EPHA7: variants seen among roughly 807,000 people sequenced by gnomAD.
The protein encoded by EPHA7 is ephrin type-A receptor 7.
Under a neutral mutation model 112.6 loss-of-function variants are expected in EPHA7, and 25 were observed. The observed-to-expected ratio is 0.22, with a 90% CI of 0.16 to 0.31. The LOEUF (loss-of-function observed/expected upper bound fraction) is 0.31. EPHA7 is among the 10% of genes least tolerant of loss of function. The probability of loss-of-function intolerance (pLI) is 1.00; values close to 1 mark genes in which losing one functional copy is unlikely to be tolerated. For missense variants in EPHA7, 962 were observed against 1,212.6 expected (o/e 0.79, Z 3.07); for synonymous variants, 437 against 406.5 (o/e 1.07, Z -0.90).
At chr6:93,246,075 G>A (rs1043938821) in intron 15 of EPHA7, among the ~76,000 whole-genome samples, 10 of 150,096 alleles carry the variant, frequency 6.7e-5, no homozygotes, top group South Asian at 2.1e-4. Flanking sequence ...TTTTGGAGAC[G>A]GAGTCTCGCT....
At chr6:93,293,262 A>G (rs1170681870) in intron 5 of EPHA7, among the ~76,000 whole-genome samples, 2 of 151,938 alleles carry the variant, frequency 1.3e-5, no homozygotes, top group African/African-American at 2.4e-5. Flanking sequence ...TTTAAAATTT[A>G]AAACAATCAA....
At chr6:93,280,636 C>G (rs1446160096) in intron 5 of EPHA7, among the ~76,000 whole-genome samples, 1 of 152,040 alleles carries the variant, frequency 6.6e-6, no homozygotes, top group East Asian at 1.9e-4. Flanking sequence ...AAAGCTAGTC[C>G]GTGGCTTATT....
At chr6:93,349,602 A>G (rs1269331071) in intron 5 of EPHA7, among the ~76,000 whole-genome samples, 5 of 151,886 alleles carry the variant, frequency 3.3e-5, no homozygotes, top group Non-Finnish European at 2.9e-5. Flanking sequence ...TGATAAAACA[A>G]TTATGCCTTG....
chr6:93,246,960 T>C lies in EPHA7; in HGVS notation c.2558A>G (p.Tyr853Cys), dbSNP rs1374830452. 1.2e-6 allele frequency: 2 copies of C among 1,602,188 alleles called. No individual in the cohort carries two copies. Among genetic ancestry groups the C allele is most frequent in the South Asian group, 1.1e-5 (1 of 90,300 alleles). The change falls in exon 15 of 17, where the codon TAT becomes TGT. Residue 853 changes from tyrosine (Y) to cysteine (C), a missense_variant. Transcript: ENST00000369303. ...GCAGTCCATGGGTGCTGGTAAACGA[T>C]AACCTTCTTCTATTGCTTTTATAAC... Reference protein sequence around the residue: ...QDVIKAIEEGYRLPAPMDCPA... With the variant: ...QDVIKAIEEGCRLPAPMDCPA...
intron 5 of EPHA7, among the ~76,000 whole-genome samples, chr6:93,340,262 T>C (rs1370606524): frequency 6.6e-6 from 1 of 151,962 alleles, no homozygotes; most frequent in Admixed American, 6.6e-5. Context: ...TTCACAATAG[T>C]AAATCATTCA....
chr6:93,274,187 A>G (rs1771361787), intron 5 of EPHA7, among the ~76,000 whole-genome samples: 1 of 151,876 alleles, frequency 6.6e-6, no homozygotes, highest in South Asian at 2.1e-4. Flanking sequence ...AAATAACACC[A>G]ATAGCCTACT....
At chr6:93,253,309 A>G (rs575709876) in intron 14 of EPHA7, among the ~76,000 whole-genome samples, 2 of 152,224 alleles carry the variant, frequency 1.3e-5, no homozygotes, top group South Asian at 4.1e-4. Context: ...AAGCAAATGA[A>G]AAAGTTTTAT....
At chr6:93,380,100 T>C (rs1354285627) in intron 3 of EPHA7, among the ~76,000 whole-genome samples, 2 of 152,024 alleles carry the variant, frequency 1.3e-5, no homozygotes, top group African/African-American at 2.4e-5. Flanking sequence ...TCCAGCAACA[T>C]TTTTAAAAAA....
At chr6:93,403,261 A>T (rs376102) in intron 3 of EPHA7, among the ~76,000 whole-genome samples, 3 of 151,896 alleles carry the variant, frequency 2.0e-5, no homozygotes, top group Non-Finnish European at 4.4e-5. Context: ...TTGCTTTGCC[A>T]GTGGATAGTT....
At chr6:93,303,720 G>T (rs1384436489) in intron 5 of EPHA7, among the ~76,000 whole-genome samples, 8 of 151,914 alleles carry the variant, frequency 5.3e-5, no homozygotes, top group Non-Finnish European at 7.4e-5. Flanking sequence ...TAATTTCATC[G>T]GTAGATAGGT....
chr6:93,375,643 AC>A (rs1371665334), intron 3 of EPHA7, among the ~76,000 whole-genome samples: 6 of 151,710 alleles, frequency 4.0e-5, no homozygotes, highest in Non-Finnish European at 7.4e-5. Flanking sequence ...AAAAAAAAAA[AC>A]AAACTCCTAA....
At chr6:93,399,345 G>A (rs1389340297) in intron 3 of EPHA7, among the ~76,000 whole-genome samples, 1 of 152,000 alleles carries the variant, frequency 6.6e-6, no homozygotes, top group African/African-American at 2.4e-5. Flanking sequence ...TATTCCATAT[G>A]ATAAAGAAAA....
At chr6:93,258,016 TA>T in intron 11 of EPHA7, 82 bp downstream of exon 11, 1 of 1,275,718 alleles carries the variant, frequency 7.8e-7, no homozygotes, top group Non-Finnish European at 1.1e-6. Flanking sequence ...ACATATTTCA[TA>T]ATTTGTTTTA....
rs978917945 is a variant in EPHA7, at chr6:93,419,176, G to T, written c.97+69C>A. On this transcript the variant is annotated intron_variant, in intron 1 of 16. Coordinates refer to ENST00000369303, the MANE Select transcript of EPHA7 (RefSeq NM_004440.4). ...AGGCGCGGCCGGCAGCGCCGCGGAC[G>T]AGCTGGCTTGTGCAGGTAGACATCT... is the stretch of plus-strand genomic sequence containing the variant. 8 of 1,315,698 alleles carry T rather than the reference G, an allele frequency of 6.1e-6. No individual in the cohort carries two copies. In the African/African-American group the frequency reaches 6.2e-5, roughly 10 times the overall value. The allele number at this position is 1,315,698 out of a possible 1,614,324, so 81.5% of individuals were successfully genotyped here. A position where few individuals can be genotyped will look rare whatever the true frequency, so the allele number is the denominator to read the frequency against.
intron 5 of EPHA7, among the ~76,000 whole-genome samples, chr6:93,338,241 T>G (rs1774971283): frequency 6.6e-6 from 1 of 152,118 alleles, no homozygotes. Flanking sequence ...GCTTCTCTCT[T>G]CTCTCTCTTT....
At chr6:93,291,440 T>C (rs1406044396) in intron 5 of EPHA7, among the ~76,000 whole-genome samples, 2 of 152,124 alleles carry the variant, frequency 1.3e-5, no homozygotes, top group Non-Finnish European at 1.5e-5. Context: ...AGCTGCAAAA[T>C]TGATTAAACT....
intron 1 of EPHA7, among the ~76,000 whole-genome samples, chr6:93,415,387 TA>T (rs1391673048): frequency 6.6e-6 from 1 of 152,046 alleles, no homozygotes; most frequent in East Asian, 1.9e-4. Context: ...GCATTTTTTT[TA>T]ATTTCTTAAT....
rs368791633 is a variant in EPHA7, at chr6:93,282,904, C to T, written c.1325-10482G>A. On this transcript the variant is annotated intron_variant, in intron 5 of 16. Transcript: ENST00000369303. ...TCCTCCGTCCCCCTCCCCATGGGTT[C>T]CTGCATGGCCAGAGCCTCCCCGAGG... Among the ~76,000 whole-genome samples the T allele has an allele frequency of 2.0e-5, 3 of 152,286 alleles. 1 individual carries two copies. The highest frequency in any genetic ancestry group is 6.5e-5 in the Admixed American group (1 of 15,310).
intron 5 of EPHA7, among the ~76,000 whole-genome samples, chr6:93,325,127 T>G (rs1324083612): frequency 2.0e-5 from 3 of 151,290 alleles, no homozygotes; most frequent in Non-Finnish European, 1.5e-5. Context: ...AAGAAATATT[T>G]AGAATTGCCA....
Sources: allele counts gnomAD v4.1 joint callset (sites outside exome capture counted in the v4.1 genomes callset), GRCh38; gene constraint gnomAD v4.1.1; transcripts MANE v1.5; gene names NCBI Gene and HGNC (gene_info 2026-07-23, HGNC 2026-07-21).